MAP4K3: variants seen among roughly 807,000 people sequenced by gnomAD.
MAP4K3 encodes the protein MAPK/ERK kinase kinase kinase 3.
A neutral mutation model predicts 143.5 loss-of-function variants in MAP4K3; 94 were observed. The ratio of observed to expected loss-of-function variants is 0.65; its 90% CI spans 0.55 to 0.78. The LOEUF is 0.78. MAP4K3 is among the 30% of genes least tolerant of loss of function. MAP4K3 has a pLI of 0.00. For synonymous variants in MAP4K3, 416 were observed against 347.2 expected (o/e 1.20, Z -2.20); for missense variants, 1,077 against 1,068.1 (o/e 1.01, Z -0.12).
chr2:39,277,472 T>C (rs938717913), intron 24 of MAP4K3, among the ~76,000 whole-genome samples: 1 of 152,254 alleles, frequency 6.6e-6, no homozygotes, highest in South Asian at 2.1e-4. Context: ...TACTGGTTTA[T>C]ACACCTGTTT....
intron 32 of MAP4K3, among the ~76,000 whole-genome samples, chr2:39,253,924 T>G (rs1405307336): frequency 6.6e-6 from 1 of 152,148 alleles, no homozygotes; most frequent in Non-Finnish European, 1.5e-5. Flanking sequence ...GAAGGATTCA[T>G]GAGATGCATA....
At position 39,336,922 on chromosome 2, in the gene MAP4K3, T is replaced by C; in HGVS notation, c.412A>G (p.Lys138Glu). The C allele has an allele frequency of 7.9e-7, 1 of 1,268,624 alleles. No individual in the cohort carries two copies. 78.6% of individuals were successfully genotyped at this position (1,268,624 alleles called of 1,614,324 possible). A position where few individuals can be genotyped will look rare whatever the true frequency, so the allele number is the denominator to read the frequency against. Residue 138 changes from lysine (K) to glutamate (E), a missense_variant and splice_region_variant, in exon 6 of 34, where the codon AAG (lysine) becomes GAG (glutamate). Physicochemically the swap from Lys to Glu is moderately conservative, Grantham distance 56. Coordinates refer to ENST00000263881, the MANE Select transcript of MAP4K3 (RefSeq NM_003618.4). ...HSKGKMHRDI[K>E]GANILLTDNG... The stretch of plus-strand genomic sequence containing the variant: ...TATGTTAAAAATATAATGTATACCT[T>C]TATATCTCTGTGCATTTTTCCTTTA...
Position 39,372,574 on chromosome 2 carries a change from C to T in MAP4K3, c.154+5492G>A, listed in dbSNP as rs576958175. Reference sequence around the variant, plus strand: ...GAGCTATGGTAACCAAAACAGCATGCTGCTGGAAAAACAGATACATAGATC... The same window carrying T: ...GAGCTATGGTAACCAAAACAGCATGTTGCTGGAAAAACAGATACATAGATC... On this transcript the variant is annotated intron_variant, in intron 2 of 33. Coordinates refer to ENST00000263881, the MANE Select transcript of MAP4K3 (RefSeq NM_003618.4). Among the ~76,000 whole-genome samples, 9 of 151,058 alleles carry T rather than the reference C, an allele frequency of 6.0e-5. No homozygotes were observed. The East Asian group carries it at 7.7e-4, about 13-fold the overall frequency.
intron 3 of MAP4K3, among the ~76,000 whole-genome samples, chr2:39,353,918 G>T (rs1302609508): frequency 6.6e-6 from 1 of 152,150 alleles, no homozygotes; most frequent in African/African-American, 2.4e-5. Context: ...TGAGGAAACA[G>T]AGGCACAAAC....
chr2:39,262,834 G>A (rs1167023528), intron 28 of MAP4K3, among the ~76,000 whole-genome samples: 1 of 152,138 alleles, frequency 6.6e-6, no homozygotes, highest in Non-Finnish European at 1.5e-5. Context: ...GCTGGGTGCG[G>A]TGGCTCAAAC....
chr2:39,366,396 A>G (rs1558668856), intron 2 of MAP4K3, among the ~76,000 whole-genome samples: 1 of 152,178 alleles, frequency 6.6e-6, no homozygotes, highest in Non-Finnish European at 1.5e-5. Flanking sequence ...GGGGTTGCGG[A>G]GACCAAGGTT....
Position 39,250,618 on chromosome 2 carries a change from T to C in MAP4K3, c.2685A>G (p.Ter895TrpextTer8), listed in dbSNP as rs1352695738. Residue 895 changes from the stop codon to tryptophan (W), a stop_lost, in exon 34 of 34, where the codon TGA becomes TGG. Transcript: ENST00000263881. ...YILAGHENSY* is the reference protein window; with the variant it reads ...YILAGHENSYW ...GTTAACTGTCAAAGCACAACAATTC[T>C]CAGTAACTGTTTTCATGACCCGCCA... The C allele has an allele frequency of 1.2e-6, 2 of 1,612,942 alleles. No individual in the cohort carries two copies. The highest frequency in any genetic ancestry group is 2.7e-5 in the African/African-American group (2 of 74,908).
chr2:39,435,012 C>A (rs1050041986), intron 1 of MAP4K3, among the ~76,000 whole-genome samples: 2 of 152,108 alleles, frequency 1.3e-5, no homozygotes, highest in Non-Finnish European at 1.5e-5. Flanking sequence ...AAGTACACAG[C>A]CAATTAGTCC....
At chr2:39,313,788 A>G (rs1683023191) in intron 13 of MAP4K3, among the ~76,000 whole-genome samples, 1 of 150,942 alleles carries the variant, frequency 6.6e-6, no homozygotes, top group Non-Finnish European at 1.5e-5. Flanking sequence ...TACTGGGATT[A>G]TAGGTGTGAG....
chr2:39,399,999 A>T (rs13411067), intron 1 of MAP4K3, among the ~76,000 whole-genome samples: 2,089 of 152,280 alleles, frequency 0.014, 57 homozygotes, highest in African/African-American at 0.047. Flanking sequence ...CAATTTCCCC[A>T]GACTTCAGTA....
intron 15 of MAP4K3, among the ~76,000 whole-genome samples, chr2:39,304,669 C>CA (rs1459074723): frequency 6.6e-6 from 1 of 151,970 alleles, no homozygotes; most frequent in Non-Finnish European, 1.5e-5. Flanking sequence ...GGCAGTTTCT[C>CA]AAAAAATTAA....
At chr2:39,275,831 T>TTATA (rs1681226028) in intron 24 of MAP4K3, among the ~76,000 whole-genome samples, 3 of 152,196 alleles carry the variant, frequency 2.0e-5, no homozygotes, top group Admixed American at 2.0e-4. Context: ...AAATCATTAC[T>TTATA]TATATATTTT....
chr2:39,359,019 T>C (rs537040522), intron 2 of MAP4K3, among the ~76,000 whole-genome samples: 1 of 152,306 alleles, frequency 6.6e-6, no homozygotes, highest in African/African-American at 2.4e-5. Flanking sequence ...AAAGTCTTAG[T>C]TCACTCCAGC....
At chr2:39,254,700 A>C (rs1054881805) in intron 31 of MAP4K3, among the ~76,000 whole-genome samples, 180 bp from the exon 32 acceptor site, 22 of 152,228 alleles carry the variant, frequency 1.4e-4, no homozygotes, top group Admixed American at 1.3e-4. Context: ...GAGCTTATGC[A>C]TCTTTTTGGT....
chr2:39,298,259 C>T (rs1365809758), intron 16 of MAP4K3, among the ~76,000 whole-genome samples: 7 of 151,956 alleles, frequency 4.6e-5, no homozygotes, highest in Non-Finnish European at 1.5e-5. Flanking sequence ...TTATAAATCA[C>T]AAATAGTCAA....
chr2:39,436,095 A>T (rs1327746393), intron 1 of MAP4K3, among the ~76,000 whole-genome samples: 1 of 152,196 alleles, frequency 6.6e-6, no homozygotes, highest in African/African-American at 2.4e-5. Context: ...TCTTCTTGGC[A>T]GTAACTGTGA....
At chr2:39,283,886 G>C (rs1681649865) in intron 21 of MAP4K3, 2 of 152,034 alleles carry the variant, frequency 1.3e-5, no homozygotes, top group Admixed American at 6.6e-5. Context: ...TTTTTCCCTA[G>C]AGCTGCCATA....
chr2:39,380,158 GCTTT>G (rs1207877179), intron 1 of MAP4K3, among the ~76,000 whole-genome samples: 1 of 151,958 alleles, frequency 6.6e-6, no homozygotes, highest in Non-Finnish European at 1.5e-5. Flanking sequence ...CTGTTCTTTT[GCTTT>G]CTATGATGTT....
At chr2:39,280,809 T>TA (rs1681485929) in intron 22 of MAP4K3, among the ~76,000 whole-genome samples, 1 of 152,198 alleles carries the variant, frequency 6.6e-6, no homozygotes, top group South Asian at 2.1e-4. Flanking sequence ...CTGAAACAGG[T>TA]ATGGCTGATT....
Sources: gnomAD v4.1 joint callset for allele counts (sites outside exome capture counted in the v4.1 genomes callset) on GRCh38, gnomAD v4.1.1 for gene constraint, MANE v1.5 for transcripts, NCBI Gene and HGNC (gene_info 2026-07-23, HGNC 2026-07-21) for gene names.